SASH1: variants seen among roughly 807,000 people sequenced by gnomAD.
SASH1 encodes SAM and SH3 domain containing 1, also known as SAM and SH3 domain-containing protein 1.
A neutral mutation model predicts 125.2 loss-of-function variants in SASH1; 44 were observed. The observed-to-expected ratio is 0.35, with a 90% CI of 0.28 to 0.45. SASH1 has a LOEUF of 0.45. Among genes scored for constraint, SASH1 ranks in the 20% least tolerant of loss-of-function variants. The probability of loss-of-function intolerance (pLI) is 1.00; values close to 1 mark genes in which losing one functional copy is unlikely to be tolerated. For missense variants in SASH1, 1,426 were observed against 1,614.5 expected, an observed-to-expected ratio of 0.88 and a Z score of 2.00; for synonymous variants, 639 against 649.1, an observed-to-expected ratio of 0.98 and a Z score of 0.24.
chr6:148,208,036 C>T, the SASH1 span, among the ~76,000 whole-genome samples: 937 of 152,310 alleles, frequency 6.2e-3, 11 homozygotes, highest in African/African-American at 0.021. Context: ...GGAGCACACA[C>T]GTGGATGACC....
the SASH1 span, among the ~76,000 whole-genome samples, chr6:148,221,306 A>G: frequency 1.3e-5 from 2 of 152,362 alleles, no homozygotes; most frequent in African/African-American, 4.8e-5. Context: ...AAACCTCAAA[A>G]TAAAATTTTA....
intron 4 of SASH1, among the ~76,000 whole-genome samples, chr6:148,453,626 A>C (rs1339970793): frequency 6.6e-6 from 1 of 152,126 alleles, no homozygotes; most frequent in Non-Finnish European, 1.5e-5. Flanking sequence ...GTGCTCGGAG[A>C]GACCAGTGAT....
rs938298076 is a variant in SASH1, at chr6:148,456,390, G to A, written c.387-12155G>A. Reference sequence around the variant, plus strand: ...AGCTCTTAACCTGGGCCTGCCTCACGCAAACAGAGGGCCAGAGAGGGCCTT... The same window carrying A: ...AGCTCTTAACCTGGGCCTGCCTCACACAAACAGAGGGCCAGAGAGGGCCTT... On this transcript the variant is annotated intron_variant, in intron 4 of 19. Transcript: ENST00000367467. 3.3e-5 allele frequency among the ~76,000 whole-genome samples: 5 copies of A among 152,310 alleles called. No individual in the cohort carries two copies. The East Asian group carries it at 7.7e-4, about 24-fold the overall frequency.
chr6:148,462,828 A>G (rs1317222093), intron 4 of SASH1, among the ~76,000 whole-genome samples: 1 of 152,150 alleles, frequency 6.6e-6, no homozygotes, highest in Admixed American at 6.6e-5. Flanking sequence ...TCTGGGGAAG[A>G]GGGTGAGGTG....
chr6:148,494,603 G>A (rs1779241129), intron 8 of SASH1, among the ~76,000 whole-genome samples: 2 of 152,054 alleles, frequency 1.3e-5, no homozygotes, highest in South Asian at 4.1e-4. Context: ...CTCCAGCCTG[G>A]CGACAGAACA....
At chr6:148,408,377 A>C (rs1445032193) in intron 2 of SASH1, among the ~76,000 whole-genome samples, 1 of 152,046 alleles carries the variant, frequency 6.6e-6, no homozygotes, top group African/African-American at 2.4e-5. Flanking sequence ...GAGTGCTGGG[A>C]TTACAGGTGT....
At chr6:148,543,313 C>T (rs1310209628) in intron 17 of SASH1, among the ~76,000 whole-genome samples, 1 of 152,154 alleles carries the variant, frequency 6.6e-6, no homozygotes, top group East Asian at 1.9e-4. Flanking sequence ...AAATTGTACT[C>T]ACCCAACAAA....
the SASH1 span, among the ~76,000 whole-genome samples, chr6:148,249,343 T>TGC: frequency 0.034 from 2 of 58 alleles, no homozygotes; most frequent in South Asian, 0.25. Flanking sequence ...TGTGTGTGTG[T>TGC]GTGCATGCAT....
chr6:148,407,964 GC>G (rs1393309510), intron 2 of SASH1, among the ~76,000 whole-genome samples: 1 of 151,788 alleles, frequency 6.6e-6, no homozygotes, highest in East Asian at 2.0e-4. Context: ...CTCCATACTG[GC>G]TATGCCATTT....
intron 1 of SASH1, 64 bp downstream of exon 1, chr6:148,343,287 G>A (rs1781405033): frequency 4.0e-6 from 6 of 1,496,966 alleles, no homozygotes; most frequent in African/African-American, 1.4e-5. Flanking sequence ...CTGAAACCGG[G>A]GGCTCCCTTC....
At chr6:148,381,617 C>CTTTCT (rs1783136833) in intron 1 of SASH1, among the ~76,000 whole-genome samples, 1 of 77,896 alleles carries the variant, frequency 1.3e-5, no homozygotes, top group African/African-American at 5.2e-5. Flanking sequence ...TTCTTGCTTT[C>CTTTCT]TTTTTTTTTT....
upstream of SASH1, among the ~76,000 whole-genome samples, chr6:148,341,656 G>T (rs535896308): frequency 3.5e-4 from 53 of 151,426 alleles, no homozygotes; most frequent in African/African-American, 1.3e-3. Flanking sequence ...GGACTCAGAA[G>T]GAAAACAAAA....
chr6:148,287,702 T>TGG (rs200082687), intron 1 of SASH1, among the ~76,000 whole-genome samples: 4 of 139,426 alleles, frequency 2.9e-5, no homozygotes, highest in African/African-American at 7.8e-5. Flanking sequence ...TGTGGGGGGG[T>TGG]GGGGGGTGGT....
chr6:148,531,603 C>A lies in SASH1; in HGVS notation c.1506C>A (p.Leu502=), dbSNP rs1336034871. 19 of 1,580,166 alleles carry A rather than the reference C, an allele frequency of 1.2e-5. No homozygotes were observed. The highest frequency in any genetic ancestry group is 1.5e-5 in the Non-Finnish European group (18 of 1,162,978). The part of the protein sequence containing the change: ...PDPEHLDKPK[L]KAGGSVESLR... ...CCGAACACTTGGACAAGCCCAAGCT[C>A]AAGGCCGGGGGTTCTGTAGAAAGTC... Residue 502 remains leucine, a synonymous_variant, in exon 13 of 20, where the codon CTC becomes CTA. Transcript: ENST00000367467.
the SASH1 span, among the ~76,000 whole-genome samples, chr6:148,254,366 T>C: frequency 2.2e-3 from 329 of 152,234 alleles, 1 homozygote; most frequent in African/African-American, 7.2e-3. Flanking sequence ...CCAGGCACAA[T>C]GACATGCACC....
chr6:148,209,136 T>C, the SASH1 span, among the ~76,000 whole-genome samples: 5 of 152,234 alleles, frequency 3.3e-5, no homozygotes, highest in Non-Finnish European at 7.3e-5. Flanking sequence ...TTAATACTAA[T>C]AGAACTTAAT....
At chr6:148,437,820 A>G (rs907271279) in intron 2 of SASH1, among the ~76,000 whole-genome samples, 7 of 152,246 alleles carry the variant, frequency 4.6e-5, no homozygotes, top group Non-Finnish European at 7.3e-5. Context: ...TTGCTTCCCT[A>G]TCATCAAACA....
chr6:148,536,943 A>G (rs1781881252), intron 16 of SASH1, among the ~76,000 whole-genome samples: 1 of 152,222 alleles, frequency 6.6e-6, no homozygotes, highest in Non-Finnish European at 1.5e-5. Flanking sequence ...CCTGATAGAT[A>G]AAGTTGTACT....
At chr6:148,234,395 T>A in the SASH1 span, among the ~76,000 whole-genome samples, 2 of 152,100 alleles carry the variant, frequency 1.3e-5, no homozygotes, top group African/African-American at 4.8e-5. Context: ...TGTGTGTGTT[T>A]ATACTGAATA....
Sources: gnomAD v4.1 joint callset for allele counts (sites outside exome capture counted in the v4.1 genomes callset) on GRCh38, gnomAD v4.1.1 for gene constraint, MANE v1.5 for transcripts, NCBI Gene and HGNC (gene_info 2026-07-23, HGNC 2026-07-21) for gene names.